Variants in HOMER2 observed in about 807,000 individuals in gnomAD.
HOMER2 encodes homer protein homolog 2.
A neutral mutation model predicts 47.0 loss-of-function variants in HOMER2; 27 were observed. That is an observed-to-expected ratio of 0.57 (90% CI 0.42 to 0.79). HOMER2 has a LOEUF of 0.79. Ranked by LOEUF, HOMER2 falls within the 30% of genes least tolerant of loss-of-function variation. The pLI, the probability that HOMER2 is intolerant of heterozygous loss-of-function variation, is 0.00. For missense variants in HOMER2, 443 were observed against 435.0 expected, an observed-to-expected ratio of 1.02 and a Z score of -0.16; for synonymous variants, 161 against 163.8, an observed-to-expected ratio of 0.98 and a Z score of 0.13.
intron 3 of HOMER2, 83 bp from the exon 4 acceptor site, chr15:82,864,342 TC>T: frequency 4.7e-6 from 4 of 856,228 alleles, no homozygotes; most frequent in Non-Finnish European, 7.4e-6. Context: ...TTATTTTGCA[TC>T]CATTTTAGGC....
intron 1 of HOMER2, among the ~76,000 whole-genome samples, chr15:82,939,028 A>G (rs2054203375): frequency 6.6e-6 from 1 of 152,140 alleles, no homozygotes; most frequent in Non-Finnish European, 1.5e-5. Flanking sequence ...TTCTCCTTAG[A>G]AGGTCAAATC....
intron 1 of HOMER2, among the ~76,000 whole-genome samples, chr15:82,918,931 G>A (rs1048329348): frequency 1.3e-5 from 2 of 152,172 alleles, no homozygotes; most frequent in African/African-American, 4.8e-5. Context: ...TCAACTGCCT[G>A]GCAGATCACA....
At chr15:82,926,468 A>T (rs2053854887) in intron 1 of HOMER2, 1 of 152,222 alleles carries the variant, frequency 6.6e-6, no homozygotes, top group Admixed American at 6.5e-5. Flanking sequence ...CAGGCAGATC[A>T]TCTGAGCTTA....
chr15:82,877,067 T>C (rs2052373605), intron 2 of HOMER2, among the ~76,000 whole-genome samples: 1 of 152,242 alleles, frequency 6.6e-6, no homozygotes, highest in Non-Finnish European at 1.5e-5. Context: ...ACTTATTGAG[T>C]GCCTCATTTA....
intron 1 of HOMER2, 83 bp from the exon 2 acceptor site, chr15:82,892,924 A>C: frequency 1.8e-6 from 2 of 1,086,062 alleles, no homozygotes; most frequent in Admixed American, 5.2e-5. Flanking sequence ...TACTGCCCCA[A>C]AAGATTTTAA....
intron 2 of HOMER2, among the ~76,000 whole-genome samples, chr15:82,880,507 G>A (rs1344774966): frequency 6.6e-6 from 1 of 152,134 alleles, no homozygotes; most frequent in African/African-American, 2.4e-5. Flanking sequence ...GTACATATGG[G>A]TTTGCTTTAT....
rs2053510180 is a variant in HOMER2, at chr15:82,913,820, G to A, written c.6-20979C>T. ...AACGTGTACAGGGCTGTGGAAAACTGGTGCTTCCTCAAAAAGTTAAATACA... is the reference window on the plus strand; with the variant it reads ...AACGTGTACAGGGCTGTGGAAAACTAGTGCTTCCTCAAAAAGTTAAATACA... On this transcript the variant is annotated intron_variant, in intron 1 of 8. Coordinates refer to ENST00000450735, the MANE Select transcript of HOMER2 (RefSeq NM_004839.4). This position sits in a 1 kb window ranked among gnomAD's most constrained non-coding sequence, Gnocchi z 4.1. 6.6e-6 allele frequency among the ~76,000 whole-genome samples: 1 copy of A among 152,052 alleles called. No individual in the cohort carries two copies. Among genetic ancestry groups the A allele is most frequent in the South Asian group, 2.1e-4 (1 of 4,824 alleles).
At chr15:82,972,564 G>A (rs1425398513) in intron 1 of HOMER2, among the ~76,000 whole-genome samples, 1 of 152,118 alleles carries the variant, frequency 6.6e-6, no homozygotes, top group Non-Finnish European at 1.5e-5. Context: ...TGGTCAGGCT[G>A]GTCTCCAACT....
At chr15:82,855,535 A>T (rs951378822) in intron 5 of HOMER2, among the ~76,000 whole-genome samples, 2 of 152,080 alleles carry the variant, frequency 1.3e-5, no homozygotes, top group Admixed American at 1.3e-4. Context: ...CTGGGTTTAA[A>T]CAAGCAAGAA....
chr15:82,855,680 A>T (rs576173863), intron 5 of HOMER2, among the ~76,000 whole-genome samples: 24 of 152,340 alleles, frequency 1.6e-4, no homozygotes, highest in African/African-American at 5.0e-4. Flanking sequence ...CCCTGGGGGC[A>T]CAACAGGGGT....
At chr15:82,868,708 C>T (rs1158849554) in intron 3 of HOMER2, among the ~76,000 whole-genome samples, 3 of 150,426 alleles carry the variant, frequency 2.0e-5, no homozygotes, top group African/African-American at 7.3e-5. Flanking sequence ...TGCGCCACCA[C>T]GCCCGGCTAA....
intron 1 of HOMER2, among the ~76,000 whole-genome samples, chr15:82,970,672 CA>C (rs1323218123): frequency 6.6e-6 from 1 of 152,106 alleles, no homozygotes; most frequent in African/African-American, 2.4e-5. Flanking sequence ...AGAGAACAAA[CA>C]AAACGAAGTA....
chr15:82,941,310 G>T (rs2054260675), intron 1 of HOMER2, among the ~76,000 whole-genome samples: 1 of 151,744 alleles, frequency 6.6e-6, no homozygotes, highest in Admixed American at 6.6e-5. Context: ...CGGTTGTGGT[G>T]GTACACACCT....
chr15:82,961,584 T>C (rs899858679), intron 1 of HOMER2, among the ~76,000 whole-genome samples: 27 of 152,234 alleles, frequency 1.8e-4, no homozygotes, highest in African/African-American at 6.5e-4. Flanking sequence ...CTTCCTCAGT[T>C]GGTTCTTGGA....
At chr15:82,939,441 C>T (rs925780846) in intron 1 of HOMER2, among the ~76,000 whole-genome samples, 9 of 152,046 alleles carry the variant, frequency 5.9e-5, no homozygotes, top group East Asian at 5.8e-4. Flanking sequence ...GCAAGGTGGG[C>T]GGATCACTTG....
exon 2 of HOMER2, chr15:82,841,432 T>C (rs1263086371): frequency 1.3e-5 from 2 of 152,080 alleles, no homozygotes; most frequent in East Asian, 1.9e-4. Flanking sequence ...AAACTAGAAA[T>C]AGAGGGCATA....
intron 1 of HOMER2, among the ~76,000 whole-genome samples, chr15:82,898,648 C>T (rs1403148153): frequency 1.3e-5 from 2 of 152,290 alleles, no homozygotes; most frequent in South Asian, 2.1e-4. Context: ...ATACTCTGTG[C>T]AACATATGTA....
At chr15:82,978,934 T>C (rs1018180798) in intron 1 of HOMER2, among the ~76,000 whole-genome samples, 2 of 152,198 alleles carry the variant, frequency 1.3e-5, no homozygotes, top group African/African-American at 4.8e-5. Flanking sequence ...TTGGCCAGAA[T>C]GGTCTCGATC....
At chr15:82,948,251 C>T (rs973471928) in intron 1 of HOMER2, among the ~76,000 whole-genome samples, 4 of 152,132 alleles carry the variant, frequency 2.6e-5, no homozygotes, top group African/African-American at 4.8e-5. Context: ...ATTAGCTGGG[C>T]GTGGTGGCGG....
Sources: allele counts gnomAD v4.1 joint callset (sites outside exome capture counted in the v4.1 genomes callset), GRCh38; gene constraint gnomAD v4.1.1; non-coding constraint Gnocchi (gnomAD v3.1); transcripts MANE v1.5; gene names NCBI Gene and HGNC (gene_info 2026-07-23, HGNC 2026-07-21).